The following FLT1 variants were observed in gnomAD, a reference collection of about 807,000 sequenced individuals.
FLT1 encodes the protein fms related receptor tyrosine kinase 1.
Under a neutral mutation model 156.3 loss-of-function variants are expected in FLT1, and 49 were observed. The ratio of observed to expected loss-of-function variants is 0.31; its 90% CI spans 0.25 to 0.40. The LOEUF (loss-of-function observed/expected upper bound fraction) is 0.40. Ranked by LOEUF, FLT1 falls within the 10% of genes least tolerant of loss-of-function variation. The pLI is 1.00. For synonymous variants in FLT1, 594 were observed against 583.8 expected (o/e 1.02, Z -0.25); for missense variants, 1,322 against 1,637.2 (o/e 0.81, Z 3.32).
intron 29 of FLT1, among the ~76,000 whole-genome samples, chr13:28,303,700 CT>C (rs1432000227): frequency 6.6e-6 from 1 of 152,162 alleles, no homozygotes; most frequent in Non-Finnish European, 1.5e-5. Context: ...CAAACAGCTT[CT>C]GTGGTAGGCT....
At chr13:28,336,296 A>G (rs1272244673) in intron 17 of FLT1, among the ~76,000 whole-genome samples, 1 of 152,244 alleles carries the variant, frequency 6.6e-6, no homozygotes, top group East Asian at 1.9e-4. Flanking sequence ...CTCATAAAAC[A>G]GCATGAAGCT....
chr13:28,372,963 G>C (rs1258865147), intron 14 of FLT1, among the ~76,000 whole-genome samples: 1 of 152,026 alleles, frequency 6.6e-6, no homozygotes, highest in Non-Finnish European at 1.5e-5. Flanking sequence ...CAGTGGCAAA[G>C]AGCCATTAAA....
intron 14 of FLT1, among the ~76,000 whole-genome samples, chr13:28,358,107 T>A (rs1872971754): frequency 6.6e-6 from 1 of 152,242 alleles, no homozygotes; most frequent in African/African-American, 2.4e-5. Flanking sequence ...CTTTCATACC[T>A]TGACATTTAC....
At chr13:28,384,826 G>A in intron 14 of FLT1, 59 bp downstream of exon 14, 1 of 1,538,858 alleles carries the variant, frequency 6.5e-7, no homozygotes. Context: ...GACTGTTAAG[G>A]GAAAGGGGGG....
chr13:28,405,732 G>C (rs537671237), intron 11 of FLT1, 48 bp downstream of exon 11: 5 of 1,009,248 alleles, frequency 5.0e-6, no homozygotes, highest in Non-Finnish European at 6.4e-6. Context: ...GGAGCTGAGA[G>C]TGTATTTGTG....
chr13:28,480,126 C>T (rs553597357), intron 1 of FLT1, among the ~76,000 whole-genome samples: 6 of 152,304 alleles, frequency 3.9e-5, no homozygotes, highest in East Asian at 1.9e-4. Flanking sequence ...AGTCTGGGAA[C>T]TCCATCCTCA....
intron 1 of FLT1, among the ~76,000 whole-genome samples, chr13:28,480,971 C>T (rs1289491980): frequency 6.6e-6 from 1 of 152,184 alleles, no homozygotes; most frequent in Non-Finnish European, 1.5e-5. Flanking sequence ...ATGTTCTTAA[C>T]GTGTCCTTCC....
intron 15 of FLT1, among the ~76,000 whole-genome samples, chr13:28,347,150 G>A (rs567750841): frequency 2.6e-5 from 4 of 152,114 alleles, no homozygotes; most frequent in Non-Finnish European, 5.9e-5. Flanking sequence ...TTTTGAAGAG[G>A]TGGCATTTGA....
chr13:28,412,862 A>C (rs557031460), intron 10 of FLT1, among the ~76,000 whole-genome samples: 1 of 149,186 alleles, frequency 6.7e-6, no homozygotes, highest in South Asian at 2.1e-4. Context: ...ACGGCCGGCC[A>C]CGTTCTCTTA....
intron 3 of FLT1, among the ~76,000 whole-genome samples, chr13:28,453,223 A>C (rs1271129164): frequency 6.6e-6 from 1 of 151,192 alleles, no homozygotes; most frequent in Non-Finnish European, 1.5e-5. Flanking sequence ...TCCTGGGTTC[A>C]AGTGATTCTC....
intron 24 of FLT1, among the ~76,000 whole-genome samples, chr13:28,318,258 G>A (rs1188274550): frequency 1.3e-5 from 2 of 152,142 alleles, no homozygotes; most frequent in Non-Finnish European, 2.9e-5. Flanking sequence ...GTTGTGACAG[G>A]CCTGAGGGAA....
intron 6 of FLT1, among the ~76,000 whole-genome samples, chr13:28,433,500 C>T (rs1039178819): frequency 1.3e-5 from 2 of 152,216 alleles, no homozygotes; most frequent in Non-Finnish European, 2.9e-5. Flanking sequence ...TGATAAATTT[C>T]TCTCTCATCT....
At chr13:28,430,355 C>T (rs1379722019) in intron 7 of FLT1, among the ~76,000 whole-genome samples, 188 bp from the exon 8 acceptor site, 1 of 152,100 alleles carries the variant, frequency 6.6e-6, no homozygotes. Context: ...TGGTGAACGC[C>T]TTTCAAATCA....
chr13:28,471,623 T>C lies in FLT1; in HGVS notation c.65-4006A>G, dbSNP rs543581400. On this transcript the variant is annotated intron_variant, in intron 1 of 29. Coordinates refer to ENST00000282397, the MANE Select transcript of FLT1 (RefSeq NM_002019.4). ...AAGTCAGCTTGATCGTCTCAGTAGCTCAGAGTCATGTTGCCCATTTACATA... is the reference window on the plus strand; with the variant it reads ...AAGTCAGCTTGATCGTCTCAGTAGCCCAGAGTCATGTTGCCCATTTACATA... Among the ~76,000 whole-genome samples, 5 of 152,294 alleles carry C rather than the reference T, an allele frequency of 3.3e-5. No individual in the cohort carries two copies. In the South Asian group the frequency reaches 1.0e-3, roughly 32 times the overall value.
At chr13:28,311,416 A>G (rs1870994181) in intron 27 of FLT1, among the ~76,000 whole-genome samples, 174 bp downstream of exon 27, 1 of 152,244 alleles carries the variant, frequency 6.6e-6, no homozygotes, top group African/African-American at 2.4e-5. Context: ...TAACAGTTGA[A>G]TTTAGGGGAT....
At chr13:28,378,435 A>G (rs906065759) in intron 14 of FLT1, among the ~76,000 whole-genome samples, 2 of 152,178 alleles carry the variant, frequency 1.3e-5, no homozygotes, top group Non-Finnish European at 2.9e-5. Context: ...TTTAAAACTG[A>G]TGCTCATTTG....
intron 3 of FLT1, among the ~76,000 whole-genome samples, chr13:28,456,140 A>G (rs1242958396): frequency 6.6e-6 from 1 of 152,220 alleles, no homozygotes. Context: ...AAGGACCTGA[A>G]GAATTACATC....
chr13:28,374,599 C>T (rs1282161195), intron 14 of FLT1, among the ~76,000 whole-genome samples: 5 of 151,758 alleles, frequency 3.3e-5, no homozygotes, highest in Non-Finnish European at 5.9e-5. Flanking sequence ...GCAACCTCCA[C>T]CTCCCAGGTT....
chr13:28,374,287 T>C (rs1365330520), intron 14 of FLT1, among the ~76,000 whole-genome samples: 1 of 151,822 alleles, frequency 6.6e-6, no homozygotes, highest in Admixed American at 6.6e-5. Flanking sequence ...TGGTGGCATG[T>C]GACTATAGTC....
Sources: gnomAD v4.1 joint callset for allele counts (sites outside exome capture counted in the v4.1 genomes callset) on GRCh38, gnomAD v4.1.1 for gene constraint, MANE v1.5 for transcripts, NCBI Gene and HGNC (gene_info 2026-07-23, HGNC 2026-07-21) for gene names.